The following QSER1 variants were observed in gnomAD, a reference collection of about 807,000 sequenced individuals.
QSER1 encodes the protein glutamine and serine-rich protein 1.
Under a neutral mutation model 158.5 loss-of-function variants are expected in QSER1, and 49 were observed. The observed-to-expected ratio is 0.31, with a 90% CI of 0.25 to 0.39. The LOEUF is 0.39. Ranked by LOEUF, QSER1 falls within the 10% of genes least tolerant of loss-of-function variation. QSER1 has a pLI of 1.00. For missense variants in QSER1, 1,754 were observed against 2,010.3 expected, an observed-to-expected ratio of 0.87 and a Z score of 2.44; for synonymous variants, 650 against 715.5, an observed-to-expected ratio of 0.91 and a Z score of 1.46.
chr11:32,972,354 C>A (rs1852878537), intron 10 of QSER1, among the ~76,000 whole-genome samples: 1 of 151,874 alleles, frequency 6.6e-6, no homozygotes, highest in African/African-American at 2.4e-5. Flanking sequence ...TGTAGCTTTT[C>A]AGTCAGGCAG....
Position 32,934,474 on chromosome 11 carries a change from T to C in QSER1, c.3216T>C (p.Asp1072=), listed in dbSNP as rs779327770. 16 of 1,613,642 alleles carry C rather than the reference T, an allele frequency of 9.9e-6. No homozygotes were observed. Among genetic ancestry groups the C allele is most frequent in the African/African-American group, 1.3e-5 (1 of 74,926 alleles). Residue 1072 remains aspartate, a synonymous_variant, in exon 4 of 13, where the codon GAT becomes GAC. Transcript: ENST00000650167. The stretch of plus-strand genomic sequence containing the variant: ...CCCTTCAGTCAAAAATGACTCTTGA[T>C]CAACAGCACATTGAAACACCTGGTC... ...VPALQSKMTL[D]QQHIETPGQN...
rs558179678 is a variant in QSER1 at position 32,901,607 on chromosome 11, CT to C, written c.209+8275del. ...TGGGCCTTGAACTGGCACAGCATCACTTCTGCCAGTCTGTTGGTCAAAGCAG... is the reference window on the plus strand; with the variant it reads ...TGGGCCTTGAACTGGCACAGCATCACTCTGCCAGTCTGTTGGTCAAAGCAG... On this transcript the variant is annotated intron_variant, in intron 1 of 12. Transcript: ENST00000650167. 2.0e-4 allele frequency among the ~76,000 whole-genome samples: 30 copies of C among 152,340 alleles called. 1 individual carries two copies. In the South Asian group the frequency reaches 4.8e-3, roughly 24 times the overall value.
intron 4 of QSER1, among the ~76,000 whole-genome samples, chr11:32,946,132 A>G (rs1229481951): frequency 6.6e-6 from 1 of 151,840 alleles, no homozygotes; most frequent in African/African-American, 2.4e-5. Context: ...CTAGTTATAC[A>G]TTCTTCTAAA....
chr11:32,900,967 C>T (rs1564924449), intron 1 of QSER1, among the ~76,000 whole-genome samples: 5 of 152,182 alleles, frequency 3.3e-5, no homozygotes, highest in African/African-American at 1.2e-4. Flanking sequence ...CACCCTTTCC[C>T]GATACCACTA....
At position 32,952,789 on chromosome 11, in the gene QSER1, A is replaced by G. The variant is rs927755760; in HGVS notation, c.4178-1068A>G. Among the ~76,000 whole-genome samples, 9 of 116,914 alleles carry G rather than the reference A, an allele frequency of 7.7e-5. No individual in the cohort carries two copies. The East Asian group carries it at 2.1e-3, about 28-fold the overall frequency. 76.7% of individuals were successfully genotyped at this position (116,914 alleles called of 152,430 possible). On this transcript the variant is annotated intron_variant, in intron 4 of 12. Transcript: ENST00000650167. ...TTGTATTGGGGTATTCAGATTTTCTATTTCTTCCCAAGTCTTTTTTTTTTT... is the reference window on the plus strand; with the variant it reads ...TTGTATTGGGGTATTCAGATTTTCTGTTTCTTCCCAAGTCTTTTTTTTTTT...
rs190401639 is a variant in QSER1 at position 32,957,983 on chromosome 11, G to T, written c.4866G>T (p.Lys1622Asn). Residue 1622 changes from lysine (K) to asparagine (N), a missense_variant, in exon 8 of 13, where the codon AAG becomes AAT. Around this residue, in one of 2 missense-constraint regions of QSER1, gnomAD observed 1,707 missense variants for 1,919.6 expected, o/e 0.89. Transcript: ENST00000650167. ...CCAAAGTTAAACAGCCAAAAGTAAA[G>T]GCTGAGCCACCACCAAAGAAACGGA... ...VKPKVKQPKVKAEPPPKKRKK... is the reference protein window; with the variant it reads ...VKPKVKQPKVNAEPPPKKRKK... 1.9e-6 allele frequency: 3 copies of T among 1,614,052 alleles called. No homozygotes were observed. In the African/African-American group the frequency reaches 4.0e-5, roughly 22 times the overall value.
At chr11:32,924,542 C>T (rs553573324) in intron 1 of QSER1, among the ~76,000 whole-genome samples, 43 of 132,546 alleles carry the variant, frequency 3.2e-4, no homozygotes, top group African/African-American at 1.1e-3. Flanking sequence ...GTTGGGTGAC[C>T]GGAGTGAGAC....
chr11:32,902,681 A>G (rs1384619989), intron 1 of QSER1, among the ~76,000 whole-genome samples: 1 of 152,210 alleles, frequency 6.6e-6, no homozygotes, highest in African/African-American at 2.4e-5. Context: ...GTGGAATCTC[A>G]GAGATTAAGG....
chr11:32,894,120 C>T (rs1435446070), intron 1 of QSER1, among the ~76,000 whole-genome samples: 1 of 152,140 alleles, frequency 6.6e-6, no homozygotes, highest in African/African-American at 2.4e-5. Context: ...GGTTGAAGAA[C>T]CAAAGCATGC....
Position 32,976,686 on chromosome 11 carries a change from C to T in QSER1, c.*212C>T. ...GGACCTAAATCCCACCACATTTTTA[C>T]CCTAATGAATGATTTTTCTATTTTG... On this transcript the variant is annotated 3_prime_UTR_variant, in exon 13 of 13. Transcript: ENST00000650167. 3 of 473,534 alleles carry T rather than the reference C, an allele frequency of 6.3e-6. No homozygotes were observed. Among genetic ancestry groups the T allele is most frequent in the Non-Finnish European group, 1.1e-5 (3 of 268,392 alleles). 29.3% of individuals were successfully genotyped at this position (473,534 alleles called of 1,614,324 possible). A position where few individuals can be genotyped will look rare whatever the true frequency, so the allele number is the denominator to read the frequency against.
Position 32,932,793 on chromosome 11 carries a change from A to G in QSER1, c.1535A>G (p.Gln512Arg). 6.2e-7 allele frequency: 1 copy of G among 1,614,008 alleles called. No individual in the cohort carries two copies. Among genetic ancestry groups the G allele is most frequent in the Non-Finnish European group, 8.5e-7 (1 of 1,179,948 alleles). ...ACATTGACTTTTTCTGGGTCATCTC[A>G]GACTGTAACTCCTGAAAATCAGACG... ...YKTLTFSGSS[Q>R]TVTPENQTLN... The change falls in exon 4 of 13, where the codon CAG becomes CGG. Residue 512 changes from glutamine to arginine, a missense_variant. By Grantham distance (43) the Gln-to-Arg change is conservative (BLOSUM62 1). Coordinates refer to ENST00000650167, the MANE Select transcript of QSER1 (RefSeq NM_001076786.3).
At chr11:32,898,673 ACCT>A (rs1271658507) in intron 1 of QSER1, among the ~76,000 whole-genome samples, 1 of 151,994 alleles carries the variant, frequency 6.6e-6, no homozygotes, top group Non-Finnish European at 1.5e-5. Flanking sequence ...TGCAGCCTCG[ACCT>A]CCTGGGCTCA....
chr11:32,921,297 A>T (rs1160720843), intron 1 of QSER1, among the ~76,000 whole-genome samples: 1 of 152,202 alleles, frequency 6.6e-6, no homozygotes, highest in Non-Finnish European at 1.5e-5. Context: ...GAATAGGCAA[A>T]TCCATAGAGA....
intron 3 of QSER1, among the ~76,000 whole-genome samples, chr11:32,930,915 C>T (rs1282431279): frequency 6.6e-6 from 1 of 152,164 alleles, no homozygotes; most frequent in Non-Finnish European, 1.5e-5. Context: ...AATTTCTGAT[C>T]AACTTTTCAT....
chr11:32,909,370 A>AT (rs1053608226), intron 1 of QSER1, among the ~76,000 whole-genome samples: 199 of 151,172 alleles, frequency 1.3e-3, no homozygotes, highest in African/African-American at 4.4e-3. Flanking sequence ...ATTTTCACTG[A>AT]TTTTTTTTTA....
chr11:32,927,461 G>A (rs1851987552), intron 2 of QSER1, among the ~76,000 whole-genome samples, 192 bp downstream of exon 2: 1 of 152,204 alleles, frequency 6.6e-6, no homozygotes, highest in African/African-American at 2.4e-5. Context: ...AGGCTGGAGT[G>A]CAGTGGCGTG....
At chr11:32,915,947 C>G (rs1220911732) in intron 1 of QSER1, among the ~76,000 whole-genome samples, 1 of 147,588 alleles carries the variant, frequency 6.8e-6, no homozygotes, top group Non-Finnish European at 1.5e-5. Flanking sequence ...GATGGAGTTT[C>G]ACTCTTGTTG....
chr11:32,903,121 G>A (rs973895696), intron 1 of QSER1, among the ~76,000 whole-genome samples: 15 of 152,102 alleles, frequency 9.9e-5, no homozygotes, highest in Non-Finnish European at 2.1e-4. Context: ...CATTTATGCT[G>A]GGAGGTTATA....
At chr11:32,961,064 TG>T (rs545437046) in intron 8 of QSER1, among the ~76,000 whole-genome samples, 29 of 152,338 alleles carry the variant, frequency 1.9e-4, no homozygotes, top group African/African-American at 5.0e-4. Flanking sequence ...TAATGTGAGG[TG>T]TTTTTTTTAA....
Sources: allele counts gnomAD v4.1 joint callset (sites outside exome capture counted in the v4.1 genomes callset), GRCh38; gene constraint gnomAD v4.1.1; regional missense constraint gnomAD v4.1.1; transcripts MANE v1.5; gene names NCBI Gene and HGNC (gene_info 2026-07-23, HGNC 2026-07-21).